The following PLCD4 variants were observed in gnomAD, a reference collection of about 807,000 sequenced individuals.
The protein encoded by PLCD4 is phospholipase C delta 4, also known as 1-phosphatidylinositol 4,5-bisphosphate phosphodiesterase delta-4.
A neutral mutation model predicts 90.2 loss-of-function variants in PLCD4; 63 were observed. The ratio of observed to expected loss-of-function variants is 0.70; its 90% CI spans 0.57 to 0.86. The LOEUF (loss-of-function observed/expected upper bound fraction) is 0.86, where lower values mean the gene tolerates loss of function less well. Ranked by LOEUF, PLCD4 falls within the 40% of genes least tolerant of loss-of-function variation. PLCD4 has a pLI of 0.00. For missense variants in PLCD4, 830 were observed against 956.3 expected (o/e 0.87, Z 1.74); for synonymous variants, 294 against 356.5 (o/e 0.82, Z 1.97).
rs981096189 is a variant in PLCD4, at chr2:218,618,807, A to G, written c.410A>G (p.Gln137Arg). 1.7e-5 allele frequency: 27 copies of G among 1,579,198 alleles called. No homozygotes were observed. The African/African-American group carries it at 1.9e-4, about 11-fold the overall frequency. ...ATGGACCATCAGGAGCGCCTGGACC[A>G]GTATCGGCAGGATGGAGTCAGGGTG... ...TSMDHQERLD[Q>R]WLSDWFQRGD... is the part of the protein sequence containing the mutation. The change falls in exon 4 of 16, where the codon CAA (glutamine) becomes CGA (arginine). Residue 137 changes from glutamine (Q) to arginine (R), a missense_variant and splice_region_variant. Gln to Arg is a conservative substitution (Grantham distance 43). Transcript: ENST00000450993.
intron 4 of PLCD4, 22 bp downstream of exon 4, chr2:218,618,829 G>C (rs780064445): frequency 2.9e-5 from 45 of 1,559,274 alleles, no homozygotes; most frequent in Non-Finnish European, 3.7e-5. Context: ...ATGGAGTCAG[G>C]GTGGGGGTGA....
intron 4 of PLCD4, among the ~76,000 whole-genome samples, chr2:218,621,142 G>C (rs1695858950): frequency 6.6e-6 from 1 of 152,132 alleles, no homozygotes; most frequent in East Asian, 1.9e-4. Context: ...ATGTTGGCCA[G>C]GCTGGTCTCG....
chr2:218,632,031 C>T, intron 9 of PLCD4, 105 bp from the exon 10 acceptor site: 2 of 1,274,494 alleles, frequency 1.6e-6, no homozygotes, highest in Non-Finnish European at 1.1e-6. Context: ...GAACTTCCGA[C>T]CACTCACTCA....
At chr2:218,614,681 C>A (rs1039676294) in intron 1 of PLCD4, among the ~76,000 whole-genome samples, 1 of 147,252 alleles carries the variant, frequency 6.8e-6, no homozygotes, top group Non-Finnish European at 1.5e-5. Context: ...AAACTCCTGA[C>A]CTCTGGTGAT....
rs1696274625 is a variant in PLCD4 at position 218,629,683 on chromosome 2, G to GCT, written c.1119+20_1119+21insCT. 6.2e-7 allele frequency: 1 copy of GCT among 1,608,610 alleles called. No individual in the cohort carries two copies. Among genetic ancestry groups the GCT allele is most frequent in the African/African-American group, 1.3e-5 (1 of 74,830 alleles). ...TTCCAGGTAGTAGCCCCAGGATGGG[G>GCT]ACACTGGTGAGGCCAGAAGGTCTGA... is the stretch of plus-strand genomic sequence containing the variant. On this transcript the variant is annotated intron_variant, in intron 8 of 15. Coordinates refer to ENST00000450993, the MANE Select transcript of PLCD4 (RefSeq NM_032726.4).
At chr2:218,633,345 C>T in intron 10 of PLCD4, 1 of 703,130 alleles carries the variant, frequency 1.4e-6, no homozygotes, top group Admixed American at 2.0e-5. Flanking sequence ...CTGATCCCAG[C>T]AGTACATGCA....
chr2:218,636,974 C>T lies in PLCD4; in HGVS notation c.*397C>T. On this transcript the variant is annotated 3_prime_UTR_variant, in exon 16 of 16. Coordinates refer to ENST00000450993, the MANE Select transcript of PLCD4 (RefSeq NM_032726.4). ...ATAGAGAAACCTAAAGAAGCATCATCCCCTCCATCCCCAACTTCCTCAAAG... is the reference window on the plus strand; with the variant it reads ...ATAGAGAAACCTAAAGAAGCATCATTCCCTCCATCCCCAACTTCCTCAAAG... The T allele has an allele frequency of 2.2e-6, 1 of 452,618 alleles. No homozygotes were observed. Among genetic ancestry groups the T allele is most frequent in the Admixed American group, 2.4e-5 (1 of 41,798 alleles). The allele number at this position is 452,618 out of a possible 1,614,324, so 28.0% of individuals were successfully genotyped here.
intron 10 of PLCD4, among the ~76,000 whole-genome samples, chr2:218,632,960 C>T (rs933400259): frequency 6.6e-6 from 1 of 152,066 alleles, no homozygotes; most frequent in Non-Finnish European, 1.5e-5. Context: ...CCTCCAAGAT[C>T]CTGGTTTGAA....
chr2:218,623,794 T>C (rs1296334828), intron 6 of PLCD4, among the ~76,000 whole-genome samples: 5 of 152,238 alleles, frequency 3.3e-5, no homozygotes, highest in African/African-American at 1.2e-4. Flanking sequence ...GCAATTCTCC[T>C]GCCTTAGCCT....
At chr2:218,615,802 A>T (rs748662859) in intron 2 of PLCD4, 41 bp downstream of exon 2, 2 of 1,602,232 alleles carry the variant, frequency 1.2e-6, no homozygotes, top group South Asian at 2.2e-5. Context: ...GCCTTAGTGT[A>T]CAGCTCAGGG....
intron 9 of PLCD4, 66 bp from the exon 10 acceptor site, chr2:218,632,070 T>C (rs1696404017): frequency 6.8e-7 from 1 of 1,478,366 alleles, no homozygotes; most frequent in Non-Finnish European, 9.0e-7. Context: ...ACAATGAGAC[T>C]GGCATGATTC....
In PLCD4 at chr2:218,634,711, A is replaced by T. The variant is rs186608309; in HGVS notation, c.1896+81A>T. 2.3e-4 allele frequency: 345 copies of T among 1,473,214 alleles called. 1 individual carries two copies. In the African/African-American group the frequency reaches 4.3e-3, roughly 18 times the overall value. The allele number at this position is 1,473,214 out of a possible 1,614,324, so 91.3% of individuals were successfully genotyped here. A position where few individuals can be genotyped will look rare whatever the true frequency, so the allele number is the denominator to read the frequency against. ...GGAAGAGGTGGCTAGGCCTGACCGGAATGTAGAGGCCGGATAGCCTATTAA... is the reference window on the plus strand; with the variant it reads ...GGAAGAGGTGGCTAGGCCTGACCGGTATGTAGAGGCCGGATAGCCTATTAA... On this transcript the variant is annotated intron_variant, in intron 13 of 15. Transcript: ENST00000450993. This position sits in a 1 kb window ranked among gnomAD's most constrained non-coding sequence, Gnocchi z 4.0.
intron 14 of PLCD4, 69 bp downstream of exon 14, chr2:218,636,000 C>T (rs1183793626): frequency 1.2e-6 from 2 of 1,604,964 alleles, no homozygotes; most frequent in African/African-American, 1.3e-5. Context: ...GTCTGTCTTC[C>T]ATTAAGTATA....
chr2:218,636,001 A>G (rs1696719151), intron 14 of PLCD4, 70 bp downstream of exon 14: 13 of 1,605,548 alleles, frequency 8.1e-6, no homozygotes, highest in Non-Finnish European at 1.0e-5. Flanking sequence ...TCTGTCTTCC[A>G]TTAAGTATAG....
chr2:218,608,860 C>T (rs1695203092), intron 1 of PLCD4, among the ~76,000 whole-genome samples: 1 of 152,006 alleles, frequency 6.6e-6, no homozygotes, highest in South Asian at 2.1e-4. Context: ...AAGAACTGGC[C>T]GGGCGCGGTG....
intron 4 of PLCD4, 49 bp from the exon 5 acceptor site, chr2:218,621,421 T>G: frequency 6.2e-7 from 1 of 1,609,478 alleles, no homozygotes; most frequent in Non-Finnish European, 8.5e-7. Context: ...CACACACAAC[T>G]GCACACACAA....
chr2:218,634,279 G>A lies in PLCD4; in HGVS notation c.1723+58G>A. 1 of 1,576,640 alleles carries A rather than the reference G, an allele frequency of 6.3e-7. No individual in the cohort carries two copies. The highest frequency in any genetic ancestry group is 1.8e-4 in the Middle Eastern group (1 of 5,678). On this transcript the variant is annotated intron_variant, in intron 12 of 15. Transcript: ENST00000450993. This position sits in a 1 kb window ranked among gnomAD's most constrained non-coding sequence, Gnocchi z 4.0. Reference sequence around the variant, plus strand: ...TGGAGGAGCAGCAGGTGGGAAATAAGTTCTCTAGTGATGGTAGGGTTGGGG... The same window carrying A: ...TGGAGGAGCAGCAGGTGGGAAATAAATTCTCTAGTGATGGTAGGGTTGGGG...
intron 1 of PLCD4, among the ~76,000 whole-genome samples, chr2:218,614,540 C>T (rs113562061): frequency 0.018 from 2,691 of 152,132 alleles, 87 homozygotes; most frequent in African/African-American, 0.061. Flanking sequence ...ACCTCTGCCA[C>T]CCAGGTTCAA....
chr2:218,622,985 A>G (rs1695952858), intron 6 of PLCD4, 107 bp downstream of exon 6: 16 of 961,142 alleles, frequency 1.7e-5, no homozygotes, highest in Non-Finnish European at 2.5e-5. Flanking sequence ...GGTTGAGTCT[A>G]TCCCTATCCT....
Sources: allele counts gnomAD v4.1 joint callset (sites outside exome capture counted in the v4.1 genomes callset), GRCh38; gene constraint gnomAD v4.1.1; non-coding constraint Gnocchi (gnomAD v3.1); transcripts MANE v1.5; gene names NCBI Gene and HGNC (gene_info 2026-07-23, HGNC 2026-07-21).